PLPPR1: variants seen among roughly 807,000 people sequenced by gnomAD.
PLPPR1 encodes the protein phospholipid phosphatase-related protein type 1.
A neutral mutation model predicts 33.1 loss-of-function variants in PLPPR1; 10 were observed. That is an observed-to-expected ratio of 0.30 (90% confidence interval 0.19 to 0.51). The LOEUF is 0.51. Among genes scored for constraint, PLPPR1 ranks in the 20% least tolerant of loss-of-function variants. The pLI, the probability that PLPPR1 is intolerant of heterozygous loss-of-function variation, is 0.97. For missense variants in PLPPR1, 304 were observed against 408.1 expected (o/e 0.74, Z 2.20); for synonymous variants, 151 against 151.0 (o/e 1.00, Z 0.00).
At chr9:101,110,656 C>T (rs1269545852) in intron 1 of PLPPR1, among the ~76,000 whole-genome samples, 3 of 152,032 alleles carry the variant, frequency 2.0e-5, no homozygotes, top group African/African-American at 4.8e-5. Flanking sequence ...GAATACTCTC[C>T]AAGGGGTATT....
chr9:101,095,981 GTTAC>G lies in PLPPR1; in HGVS notation c.-46+66880_-46+66883del, dbSNP rs372489833. ...ATGAATGAACATGGAATGCCTTGTA[GTTAC>G]ATGACTGTGGGTTGCCAAAAATGAC... is the stretch of plus-strand genomic sequence containing the variant. On this transcript the variant is annotated intron_variant, in intron 1 of 7. Coordinates refer to ENST00000374874, the MANE Select transcript of PLPPR1 (RefSeq NM_207299.2). 5.0e-3 allele frequency among the ~76,000 whole-genome samples: 767 copies of G among 152,284 alleles called. 1 individual carries two copies. The highest frequency in any genetic ancestry group is 8.1e-3 in the Non-Finnish European group (548 of 68,022).
chr9:101,036,181 T>C (rs1245251850), intron 1 of PLPPR1, among the ~76,000 whole-genome samples: 2 of 152,168 alleles, frequency 1.3e-5, no homozygotes, highest in African/African-American at 2.4e-5. Flanking sequence ...CTGACCCTAG[T>C]CCCAGCCCTG....
At chr9:101,291,264 T>G (rs1295997263) in intron 4 of PLPPR1, among the ~76,000 whole-genome samples, 1 of 152,144 alleles carries the variant, frequency 6.6e-6, no homozygotes, top group Non-Finnish European at 1.5e-5. Context: ...CCAGGCTTGC[T>G]TAGGTAAACA....
intron 1 of PLPPR1, among the ~76,000 whole-genome samples, chr9:101,072,990 A>G (rs1830498268): frequency 6.6e-6 from 1 of 152,192 alleles, no homozygotes; most frequent in South Asian, 2.1e-4. Context: ...TAACTGGTTT[A>G]ACCAAGTAGG....
intron 2 of PLPPR1, among the ~76,000 whole-genome samples, chr9:101,209,233 C>T (rs970700948): frequency 2.0e-5 from 3 of 152,124 alleles, no homozygotes; most frequent in African/African-American, 7.2e-5. Context: ...GTTCTGTGTT[C>T]CATTTACAGA....
intron 1 of PLPPR1, among the ~76,000 whole-genome samples, chr9:101,138,723 C>T (rs1421394471): frequency 6.6e-6 from 1 of 152,196 alleles, no homozygotes; most frequent in Non-Finnish European, 1.5e-5. Flanking sequence ...TTAATGCTCA[C>T]AAAGTGCCTG....
rs10989401 is a variant in PLPPR1, at chr9:101,095,556, A to G, written c.-46+66454A>G. Among the ~76,000 whole-genome samples, 822 of 152,318 alleles carry G rather than the reference A, an allele frequency of 5.4e-3. 13 individuals carry two copies. The highest frequency in any genetic ancestry group is 0.019 in the African/African-American group (771 of 41,570). ...ATAACATAATCCTTTTTTAAAAGCT[A>G]AACTTCCTTGATCACATATTATGTG... On this transcript the variant is annotated intron_variant, in intron 1 of 7. Transcript: ENST00000374874.
chr9:101,172,246 C>T (rs117110063), intron 1 of PLPPR1, among the ~76,000 whole-genome samples: 1,585 of 151,994 alleles, frequency 0.01, 10 homozygotes, highest in Middle Eastern at 0.024. Flanking sequence ...AGGGAAAAAG[C>T]GTACCACTCA....
chr9:101,042,670 A>G (rs1377409557), intron 1 of PLPPR1, among the ~76,000 whole-genome samples: 3 of 152,238 alleles, frequency 2.0e-5, no homozygotes, highest in Non-Finnish European at 2.9e-5. Context: ...AGTTTAAGGA[A>G]TTCCTATAAC....
At chr9:101,034,678 T>C (rs1829988493) in intron 1 of PLPPR1, among the ~76,000 whole-genome samples, 1 of 152,282 alleles carries the variant, frequency 6.6e-6, no homozygotes, top group East Asian at 1.9e-4. Flanking sequence ...ACTGAGTTTG[T>C]TGTAAAGGTC....
intron 1 of PLPPR1, among the ~76,000 whole-genome samples, chr9:101,108,011 G>A (rs1197583887): frequency 2.7e-5 from 4 of 148,558 alleles, no homozygotes; most frequent in Admixed American, 6.7e-5. Flanking sequence ...TTCGGCTCGC[G>A]CACGGTGCGC....
chr9:101,263,438 A>G (rs571593837), intron 2 of PLPPR1, among the ~76,000 whole-genome samples: 85 of 152,294 alleles, frequency 5.6e-4, no homozygotes, highest in African/African-American at 1.9e-3. Flanking sequence ...TTCCATTCCA[A>G]CTTCTTGCTG....
At chr9:101,243,716 G>A (rs1305704254) in intron 2 of PLPPR1, among the ~76,000 whole-genome samples, 2 of 152,046 alleles carry the variant, frequency 1.3e-5, no homozygotes, top group East Asian at 3.9e-4. Context: ...AGGGTCTAGA[G>A]CTCAAGAGAG....
chr9:101,195,992 T>C (rs1470567912), intron 2 of PLPPR1, among the ~76,000 whole-genome samples: 2 of 152,216 alleles, frequency 1.3e-5, no homozygotes, highest in Admixed American at 6.5e-5. Context: ...CTATAAAAGA[T>C]AGCATCTTGT....
chr9:101,111,619 A>G (rs1302455125), intron 1 of PLPPR1, among the ~76,000 whole-genome samples: 1 of 152,220 alleles, frequency 6.6e-6, no homozygotes, highest in Non-Finnish European at 1.5e-5. Context: ...CTGGCATTTT[A>G]TAAATAGATT....
intron 1 of PLPPR1, among the ~76,000 whole-genome samples, chr9:101,108,956 A>C (rs1432816323): frequency 7.9e-6 from 1 of 126,818 alleles, no homozygotes; most frequent in East Asian, 2.7e-4. Flanking sequence ...TTTTGTCTTC[A>C]ATAATTTTTT....
intron 2 of PLPPR1, among the ~76,000 whole-genome samples, chr9:101,192,556 C>T (rs1321131595): frequency 6.6e-6 from 1 of 152,060 alleles, no homozygotes; most frequent in African/African-American, 2.4e-5. Context: ...GTGGCTGTAC[C>T]TGAATGTGCT....
intron 1 of PLPPR1, among the ~76,000 whole-genome samples, chr9:101,149,198 G>C (rs1831554372): frequency 6.6e-6 from 1 of 152,058 alleles, no homozygotes; most frequent in Non-Finnish European, 1.5e-5. Context: ...TGTTTAAAAG[G>C]AATAATTACC....
At chr9:101,034,059 A>T (rs972471713) in intron 1 of PLPPR1, among the ~76,000 whole-genome samples, 1 of 148,202 alleles carries the variant, frequency 6.7e-6, no homozygotes, top group Non-Finnish European at 1.5e-5. Context: ...GAAAAAAAAA[A>T]CGTGCAATGC....
Sources: allele counts gnomAD v4.1 joint callset (sites outside exome capture counted in the v4.1 genomes callset), GRCh38; gene constraint gnomAD v4.1.1; transcripts MANE v1.5; gene names NCBI Gene and HGNC (gene_info 2026-07-23, HGNC 2026-07-21).